The following SYPL2 variants were observed in gnomAD, a reference collection of about 807,000 sequenced individuals.
SYPL2 encodes synaptophysin-like protein 2.
In SYPL2, 24 loss-of-function variants were observed where a neutral mutation model predicts 31.3. That is an observed-to-expected ratio of 0.77 (90% CI 0.56 to 1.08). The LOEUF is 1.08. Among genes scored for constraint, SYPL2 ranks in the 50% least tolerant of loss-of-function variants. The pLI, the probability that SYPL2 is intolerant of heterozygous loss-of-function variation, is 0.00. For synonymous variants in SYPL2, 144 were observed against 143.1 expected, an observed-to-expected ratio of 1.01 and a Z score of -0.05; for missense variants, 342 against 360.1, an observed-to-expected ratio of 0.95 and a Z score of 0.41.
rs527554394 is a variant in SYPL2 at position 109,473,354 on chromosome 1, T to C, written c.130-2227T>C. Among the ~76,000 whole-genome samples, 25 of 152,156 alleles carry C rather than the reference T, an allele frequency of 1.6e-4. 1 individual carries two copies. The highest frequency in any genetic ancestry group is 3.2e-4 in the Non-Finnish European group (22 of 68,016). ...TCTTTAAACATGGAGACAATTCTCATTTGTCTGGAATAAACCTCCTGAAAA... is the reference window on the plus strand; with the variant it reads ...TCTTTAAACATGGAGACAATTCTCACTTGTCTGGAATAAACCTCCTGAAAA... On this transcript the variant is annotated intron_variant, in intron 2 of 5. Coordinates refer to ENST00000369872, the MANE Select transcript of SYPL2 (RefSeq NM_001040709.2).
intron 4 of SYPL2, among the ~76,000 whole-genome samples, chr1:109,477,289 C>A (rs1294623387): frequency 6.6e-6 from 1 of 152,146 alleles, no homozygotes; most frequent in African/African-American, 2.4e-5. Context: ...TAAAATAATA[C>A]CTGCTTCATA....
chr1:109,469,137 T>G, intron 2 of SYPL2, among the ~76,000 whole-genome samples: 1 of 152,188 alleles, frequency 6.6e-6, no homozygotes, highest in Middle Eastern at 3.2e-3. Flanking sequence ...TAAACAGGCA[T>G]TAGCACCAGA....
chr1:109,466,911 G>A lies in SYPL2; in HGVS notation c.54+14G>A. ...CCGCGCCAGCAGGTAGTCCCTGCGC[G>A]CCCAGGACTCTCACCCGCCCCTCTC... is the stretch of plus-strand genomic sequence containing the variant. On this transcript the variant is annotated intron_variant, in intron 1 of 5. Transcript: ENST00000369872. The A allele has an allele frequency of 6.5e-7, 1 of 1,530,706 alleles. No homozygotes were observed. Among genetic ancestry groups the A allele is most frequent in the African/African-American group, 1.4e-5 (1 of 72,166 alleles). The allele number at this position is 1,530,706 out of a possible 1,614,324, so 94.8% of individuals were successfully genotyped here. A position where few individuals can be genotyped will look rare whatever the true frequency, so the allele number is the denominator to read the frequency against.
intron 3 of SYPL2, among the ~76,000 whole-genome samples, chr1:109,476,413 T>C (rs1655999423): frequency 6.6e-6 from 1 of 152,198 alleles, no homozygotes; most frequent in Non-Finnish European, 1.5e-5. Context: ...GCCTGCACTT[T>C]CCAGAGGCAG....
In SYPL2 at chr1:109,480,694, C is replaced by T. The variant is rs1364925714; in HGVS notation, c.*1146C>T. 6.5e-6 allele frequency: 1 copy of T among 152,682 alleles called. No homozygotes were observed. Among genetic ancestry groups the T allele is most frequent in the African/African-American group, 2.4e-5 (1 of 41,424 alleles). 9.5% of individuals were successfully genotyped at this position (152,682 alleles called of 1,614,324 possible). On this transcript the variant is annotated 3_prime_UTR_variant, in exon 6 of 6. Coordinates refer to ENST00000369872, the MANE Select transcript of SYPL2 (RefSeq NM_001040709.2). ...ATATTTCTCCTTCTCATCTTGAAAACAGGATGTTCCCTCTTCCCTTGCTGT... is the reference window on the plus strand; with the variant it reads ...ATATTTCTCCTTCTCATCTTGAAAATAGGATGTTCCCTCTTCCCTTGCTGT...
In SYPL2 at chr1:109,466,671, C is replaced by CCCAGCCAG. The variant is rs534885029; in HGVS notation, c.-160_-153dup. 6.8e-6 allele frequency: 4 copies of CCCAGCCAG among 586,618 alleles called. No homozygotes were observed. Among genetic ancestry groups the CCCAGCCAG allele is most frequent in the Admixed American group, 9.0e-5 (2 of 22,282 alleles). The allele number at this position is 586,618 out of a possible 1,614,324, so 36.3% of individuals were successfully genotyped here. A position where few individuals can be genotyped will look rare whatever the true frequency, so the allele number is the denominator to read the frequency against. Reference sequence around the variant, plus strand: ...AGCACGAACAGCAGCGCCCCCGCGTCCCAGCCAGCCAGCCAGCCAGACTGG... The same window carrying CCCAGCCAG: ...AGCACGAACAGCAGCGCCCCCGCGTCCCAGCCAGCCAGCCAGCCAGCCAGCCAGACTGG... On this transcript the variant is annotated 5_prime_UTR_variant, in exon 1 of 6. Coordinates refer to ENST00000369872, the MANE Select transcript of SYPL2 (RefSeq NM_001040709.2).
chr1:109,474,186 G>C (rs2101003360), intron 2 of SYPL2, among the ~76,000 whole-genome samples: 1 of 152,320 alleles, frequency 6.6e-6, no homozygotes, highest in East Asian at 1.9e-4. Context: ...AAGAGAATAA[G>C]CTCATTGCTT....
Position 109,478,183 on chromosome 1 carries a change from G to A in SYPL2, c.648+174G>A, listed in dbSNP as rs1239456403. 2 of 1,395,306 alleles carry A rather than the reference G, an allele frequency of 1.4e-6. No individual in the cohort carries two copies. Among genetic ancestry groups the A allele is most frequent in the East Asian group, 5.1e-5 (2 of 38,884 alleles). The allele number at this position is 1,395,306 out of a possible 1,614,324, so 86.4% of individuals were successfully genotyped here. A position where few individuals can be genotyped will look rare whatever the true frequency, so the allele number is the denominator to read the frequency against. ...TGCTGGCTCCTGGCTGACCCTGAGA[G>A]GACATTTTGGGATGAGGGGAACCCA... On this transcript the variant is annotated intron_variant, in intron 5 of 5. Coordinates refer to ENST00000369872, the MANE Select transcript of SYPL2 (RefSeq NM_001040709.2). This position sits in a 1 kb window ranked among gnomAD's most constrained non-coding sequence, Gnocchi z 4.0.
At chr1:109,467,268 TGGGCGGGGGAG>T (rs1655680765) in intron 2 of SYPL2, 135 bp downstream of exon 2, 2 of 47,952 alleles carry the variant, frequency 4.2e-5, no homozygotes, top group East Asian at 5.2e-4. Context: ...CGGCGACAGG[TGGGCGGGGGAG>T]GGGCGGGCTG....
chr1:109,479,565 C>T lies in SYPL2; in HGVS notation c.*17C>T. ...AAGCAGTAAGCAGCCCCCCACCTGGCTATTCCCGAACTGGACAGCACCTCT... is the reference window on the plus strand; with the variant it reads ...AAGCAGTAAGCAGCCCCCCACCTGGTTATTCCCGAACTGGACAGCACCTCT... On this transcript the variant is annotated 3_prime_UTR_variant, in exon 6 of 6. Coordinates refer to ENST00000369872, the MANE Select transcript of SYPL2 (RefSeq NM_001040709.2). The T allele has an allele frequency of 6.2e-7, 1 of 1,609,846 alleles. No individual in the cohort carries two copies. Among genetic ancestry groups the T allele is most frequent in the East Asian group, 2.2e-5 (1 of 44,768 alleles).
chr1:109,468,918 T>G (rs1239634880), intron 2 of SYPL2, among the ~76,000 whole-genome samples: 1 of 79,988 alleles, frequency 1.3e-5, no homozygotes, highest in Non-Finnish European at 2.9e-5. Flanking sequence ...GATCTTCAAG[T>G]ACTTAGAAAG....
chr1:109,479,622 TTCC>T lies in SYPL2; in HGVS notation c.*84_*86del. On this transcript the variant is annotated 3_prime_UTR_variant, in exon 6 of 6. Coordinates refer to ENST00000369872, the MANE Select transcript of SYPL2 (RefSeq NM_001040709.2). Reference sequence around the variant, plus strand: ...ACCTCCGGCTTCCAGGACCTTTCTCTTCCTCCTCCTCCAATTCCCCTCCCCCAT... The same window carrying T: ...ACCTCCGGCTTCCAGGACCTTTCTCTTCCTCCTCCAATTCCCCTCCCCCAT... The T allele has an allele frequency of 1.3e-6, 2 of 1,543,712 alleles. No individual in the cohort carries two copies. The highest frequency in any genetic ancestry group is 8.8e-7 in the Non-Finnish European group (1 of 1,140,860).
Position 109,479,244 on chromosome 1 carries a change from C to G in SYPL2, c.649-134C>G, listed in dbSNP as rs1461262426. On this transcript the variant is annotated intron_variant, in intron 5 of 5. Transcript: ENST00000369872. ...GAGCCCTGCCTCTATACCGAGCTCT[C>G]TGTCTTAGTCTTTCTAGTCCTCTGT... 3 of 973,522 alleles carry G rather than the reference C, an allele frequency of 3.1e-6. No homozygotes were observed. In the Admixed American group the frequency reaches 6.5e-5, roughly 21 times the overall value. The allele number at this position is 973,522 out of a possible 1,614,324, so 60.3% of individuals were successfully genotyped here. A position where few individuals can be genotyped will look rare whatever the true frequency, so the allele number is the denominator to read the frequency against.
chr1:109,469,493 T>G (rs550006124), intron 2 of SYPL2, among the ~76,000 whole-genome samples: 1 of 151,814 alleles, frequency 6.6e-6, no homozygotes, highest in African/African-American at 2.4e-5. Flanking sequence ...GAGAACTAGT[T>G]TTTTTTTAAA....
intron 2 of SYPL2, 53 bp downstream of exon 2, chr1:109,467,186 G>A: frequency 6.8e-7 from 1 of 1,460,116 alleles, no homozygotes; most frequent in South Asian, 1.3e-5. Flanking sequence ...CTGTGACGCT[G>A]ACCTGAAGCA....
rs989211991 is a variant in SYPL2 at position 109,476,893 on chromosome 1, T to C, written c.372T>C (p.Phe124=). The C allele has an allele frequency of 6.2e-6, 10 of 1,614,098 alleles. No individual in the cohort carries two copies. Among genetic ancestry groups the C allele is most frequent in the Non-Finnish European group, 7.6e-6 (9 of 1,180,044 alleles). ...AGTTCTTCGTGACCCTTGGCATCTTTTCCTTCTTCTATACCATGGCTGCCC... is the reference window on the plus strand; with the variant it reads ...AGTTCTTCGTGACCCTTGGCATCTTCTCCTTCTTCTATACCATGGCTGCCC... The part of the protein sequence containing the change: ...PAEFFVTLGI[F]SFFYTMAALV... Residue 124 remains phenylalanine (F), a synonymous_variant, in exon 4 of 6, where the codon TTT becomes TTC. Transcript: ENST00000369872.
Position 109,477,813 on chromosome 1 carries a change from C to G in SYPL2, c.457-5C>G. On this transcript the variant is annotated splice_polypyrimidine_tract_variant and splice_region_variant and intron_variant, in intron 4 of 5. Coordinates refer to ENST00000369872, the MANE Select transcript of SYPL2 (RefSeq NM_001040709.2). ...GTGTATTTCCCATCCCTCTGCTCCT[C>G]CCAGGACTTCTGTGTGACTGTCTCC... The G allele has an allele frequency of 6.2e-7, 1 of 1,601,274 alleles. No individual in the cohort carries two copies. Among genetic ancestry groups the G allele is most frequent in the East Asian group, 2.2e-5 (1 of 44,742 alleles).
chr1:109,467,564 G>T (rs1457081754), intron 2 of SYPL2, among the ~76,000 whole-genome samples: 2 of 152,168 alleles, frequency 1.3e-5, no homozygotes, highest in Admixed American at 1.3e-4. Context: ...GATGGAAACC[G>T]TCCTGCCCCC....
intron 2 of SYPL2, 70 bp downstream of exon 2, chr1:109,467,203 C>CCAGGGTG: frequency 1.4e-6 from 2 of 1,383,588 alleles, no homozygotes; most frequent in Non-Finnish European, 1.9e-6. Flanking sequence ...AGCAATGGAG[C>CCAGGGTG]CAGGGTGGGG....
Sources: gnomAD v4.1 joint callset for allele counts (sites outside exome capture counted in the v4.1 genomes callset) on GRCh38, gnomAD v4.1.1 for gene constraint, Gnocchi (gnomAD v3.1) non-coding constraint, MANE v1.5 for transcripts, NCBI Gene and HGNC (gene_info 2026-07-23, HGNC 2026-07-21) for gene names.